RBFOX1: variants seen among roughly 807,000 people sequenced by gnomAD.
RBFOX1 encodes RNA binding fox-1 homolog 1, also known as RNA binding protein fox-1 homolog 1.
In RBFOX1, 8 loss-of-function variants were observed where a neutral mutation model predicts 57.7. That is an observed-to-expected ratio of 0.14 (90% CI 0.08 to 0.25). RBFOX1 has a LOEUF of 0.25. RBFOX1 is among the 10% of genes least tolerant of loss of function. RBFOX1 has a pLI of 1.00. For missense variants in RBFOX1, 611 were observed against 548.5 expected, an observed-to-expected ratio of 1.11 and a Z score of -1.14; for synonymous variants, 326 against 222.4, an observed-to-expected ratio of 1.47 and a Z score of -4.15.
intron 3 of RBFOX1, among the ~76,000 whole-genome samples, chr16:5,749,999 A>C (rs963780197): frequency 1.2e-4 from 18 of 152,024 alleles, no homozygotes; most frequent in Non-Finnish European, 2.6e-4. Context: ...TTGTGGTTTT[A>C]TGTACCTTTG....
At chr16:7,229,646 AGAGAGAGGGAGGAAGG>A in intron 4 of RBFOX1, among the ~76,000 whole-genome samples, 1 of 92,706 alleles carries the variant, frequency 1.1e-5, no homozygotes, top group Non-Finnish European at 2.4e-5. Flanking sequence ...GAAGGAAGGG[AGAGAGAGGGAGGAAGG>A]GCAAAGGAAG....
chr16:7,497,545 G>T (rs12445034), intron 4 of RBFOX1, among the ~76,000 whole-genome samples: 84,772 of 152,052 alleles, frequency 0.56, 25,240 homozygotes, highest in Middle Eastern at 0.7. Flanking sequence ...CATGAGAGCA[G>T]GACTATTTTC....
At chr16:7,367,595 C>G (rs775948642) in intron 4 of RBFOX1, among the ~76,000 whole-genome samples, 3 of 152,190 alleles carry the variant, frequency 2.0e-5, no homozygotes, top group Non-Finnish European at 2.9e-5. Context: ...ACAATAGTCT[C>G]TAACTCCAGA....
At chr16:7,046,561 C>T (rs116000978) in intron 3 of RBFOX1, among the ~76,000 whole-genome samples, 4 of 147,084 alleles carry the variant, frequency 2.7e-5, no homozygotes, top group African/African-American at 7.7e-5. Flanking sequence ...TAAAGTTTAT[C>T]ACCACGTATG....
At chr16:6,692,972 C>G (rs1257680369) in intron 3 of RBFOX1, among the ~76,000 whole-genome samples, 1 of 151,434 alleles carries the variant, frequency 6.6e-6, no homozygotes, top group Non-Finnish European at 1.5e-5. Flanking sequence ...CCATCACCGG[C>G]ATCATTATCA....
rs549358673 is a variant in RBFOX1 at position 6,334,431 on chromosome 16, C to T, written c.-64+17374C>T. Among the ~76,000 whole-genome samples, 3 of 148,206 alleles carry T rather than the reference C, an allele frequency of 2.0e-5. No homozygotes were observed. The South Asian group carries it at 6.4e-4, about 31-fold the overall frequency. Reference sequence around the variant, plus strand: ...GCTGAAGCAGGAGAATTGCTTGAACCCAGGAGGTCTAGGTTGCAGTGAGCC... The same window carrying T: ...GCTGAAGCAGGAGAATTGCTTGAACTCAGGAGGTCTAGGTTGCAGTGAGCC... On this transcript the variant is annotated intron_variant, in intron 2 of 15. Coordinates refer to ENST00000550418, the MANE Select transcript of RBFOX1 (RefSeq NM_018723.4).
intron 4 of RBFOX1, among the ~76,000 whole-genome samples, chr16:5,875,093 C>T (rs925307308): frequency 4.6e-5 from 7 of 152,128 alleles, no homozygotes; most frequent in Admixed American, 6.6e-5. Context: ...AAGCACTTAG[C>T]GGGGAGATGA....
rs1016055467 is a variant in RBFOX1, at chr16:7,637,986, C to G, written c.757+7303C>G. ...GCCTTAAGATCCCATATGGCTTAAT[C>G]CAGCACTATTTCAATTTTGATAGTC... On this transcript the variant is annotated intron_variant, in intron 11 of 15. Coordinates refer to ENST00000550418, the MANE Select transcript of RBFOX1 (RefSeq NM_018723.4). Among the ~76,000 whole-genome samples the G allele has an allele frequency of 3.9e-5, 6 of 152,122 alleles. No homozygotes were observed. In the South Asian group the frequency reaches 1.2e-3, roughly 32 times the overall value.
chr16:5,603,630 AC>A (rs1371963905), downstream of RBFOX1, among the ~76,000 whole-genome samples: 1 of 152,190 alleles, frequency 6.6e-6, no homozygotes, highest in Admixed American at 6.5e-5. Context: ...AAATACAGCC[AC>A]ACTTTCCTTG....
chr16:5,938,101 C>G (rs549996924), intron 4 of RBFOX1, among the ~76,000 whole-genome samples: 58 of 152,190 alleles, frequency 3.8e-4, no homozygotes, highest in Non-Finnish European at 7.4e-4. Flanking sequence ...CCTCTGTACC[C>G]TTTTCATTCT....
At chr16:7,178,920 A>G (rs2082169276) in intron 4 of RBFOX1, among the ~76,000 whole-genome samples, 1 of 152,178 alleles carries the variant, frequency 6.6e-6, no homozygotes, top group Non-Finnish European at 1.5e-5. Flanking sequence ...AAGATCGTAA[A>G]TAATAGTGAA....
chr16:5,459,238 T>G (rs532829592), intron 1 of RBFOX1, among the ~76,000 whole-genome samples: 3 of 152,348 alleles, frequency 2.0e-5, no homozygotes, highest in East Asian at 1.9e-4. Flanking sequence ...TTGTCCTCTG[T>G]GCTTAGGGCC....
At chr16:5,849,502 C>G (rs1167636095) in intron 3 of RBFOX1, among the ~76,000 whole-genome samples, 2 of 152,052 alleles carry the variant, frequency 1.3e-5, no homozygotes, top group African/African-American at 4.8e-5. Flanking sequence ...AGCTGGATAC[C>G]CAGTATCCAC....
chr16:7,364,574 CCAAAAAAAAAAAAAA>C (rs2097399967), intron 4 of RBFOX1, among the ~76,000 whole-genome samples: 2 of 131,264 alleles, frequency 1.5e-5, no homozygotes, highest in Admixed American at 1.5e-4. Flanking sequence ...ATCAAGAAGA[CCAAAAAAAAAAAAAA>C]CAAAAAAAAA....
At chr16:6,234,137 A>C (rs2097487169) in intron 1 of RBFOX1, among the ~76,000 whole-genome samples, 1 of 151,868 alleles carries the variant, frequency 6.6e-6, no homozygotes, top group Admixed American at 6.6e-5. Flanking sequence ...TGAACCAGTC[A>C]CCTCTTAAAG....
intron 2 of RBFOX1, among the ~76,000 whole-genome samples, chr16:6,574,043 G>T (rs1440071037): frequency 6.6e-6 from 1 of 152,126 alleles, no homozygotes; most frequent in Admixed American, 6.5e-5. Flanking sequence ...TTTTTCTCTC[G>T]CTCTGCCAAC....
chr16:7,681,576 A>G (rs2074761714), intron 14 of RBFOX1, among the ~76,000 whole-genome samples: 1 of 152,172 alleles, frequency 6.6e-6, no homozygotes, highest in African/African-American at 2.4e-5. Flanking sequence ...ATCCGATGAT[A>G]TATACTAAAA....
intron 3 of RBFOX1, among the ~76,000 whole-genome samples, chr16:6,821,486 C>G (rs951957207): frequency 1.3e-5 from 2 of 152,202 alleles, no homozygotes; most frequent in Non-Finnish European, 2.9e-5. Flanking sequence ...CCACCTTTAT[C>G]TAGTTCCAAA....
intron 4 of RBFOX1, among the ~76,000 whole-genome samples, chr16:5,900,344 G>T (rs765354287): frequency 1.3e-5 from 2 of 152,152 alleles, no homozygotes; most frequent in Non-Finnish European, 2.9e-5. Flanking sequence ...AATAGTGGAG[G>T]AGAGAATAGC....
Sources: gnomAD v4.1 joint callset for allele counts (sites outside exome capture counted in the v4.1 genomes callset) on GRCh38, gnomAD v4.1.1 for gene constraint, MANE v1.5 for transcripts, NCBI Gene and HGNC (gene_info 2026-07-23, HGNC 2026-07-21) for gene names.